SNCAIP: variants seen among roughly 807,000 people sequenced by gnomAD.
SNCAIP encodes synphilin-1.
Under a neutral mutation model 86.7 loss-of-function variants are expected in SNCAIP, and 43 were observed. The observed-to-expected ratio is 0.50, with a 90% CI of 0.39 to 0.64. The LOEUF (loss-of-function observed/expected upper bound fraction) is 0.64. SNCAIP is among the 30% of genes least tolerant of loss of function. The pLI, the probability that SNCAIP is intolerant of heterozygous loss-of-function variation, is 0.00. For synonymous variants in SNCAIP, 417 were observed against 427.2 expected (o/e 0.98, Z 0.29); for missense variants, 981 against 1,103.1 (o/e 0.89, Z 1.57).
intron 1 of SNCAIP, among the ~76,000 whole-genome samples, chr5:122,350,268 C>T (rs1759485816): frequency 6.6e-6 from 1 of 152,104 alleles, no homozygotes. Flanking sequence ...AGGAAAGAAG[C>T]ATCAGAGGTG....
chr5:122,411,032 C>T (rs530102414), intron 3 of SNCAIP, among the ~76,000 whole-genome samples: 8 of 152,092 alleles, frequency 5.3e-5, no homozygotes, highest in African/African-American at 1.7e-4. Flanking sequence ...AGAAAACTTA[C>T]GGGTAAAAAC....
rs562308155 is a variant in SNCAIP, at chr5:122,387,246, C to T, written c.-46-3843C>T. On this transcript the variant is annotated intron_variant, in intron 1 of 10. Transcript: ENST00000261368. ...TGATCTCGGCTCACTGCAACCTCCA[C>T]CTCCCGGGTTCAAGTGATTCTCCTG... Among the ~76,000 whole-genome samples, 403 of 151,406 alleles carry T rather than the reference C, an allele frequency of 2.7e-3. 5 individuals are homozygous for T. Among genetic ancestry groups the T allele is most frequent in the African/African-American group, 9.4e-3 (387 of 41,240 alleles).
At chr5:122,327,240 A>G (rs1003614246) in intron 1 of SNCAIP, among the ~76,000 whole-genome samples, 11 of 152,136 alleles carry the variant, frequency 7.2e-5, no homozygotes, top group Admixed American at 5.2e-4. Flanking sequence ...TGTGGTAATA[A>G]AGTTCCTAAT....
intron 5 of SNCAIP, among the ~76,000 whole-genome samples, chr5:122,428,734 C>T (rs1397169759): frequency 1.3e-5 from 2 of 151,966 alleles, no homozygotes; most frequent in Admixed American, 1.3e-4. Context: ...CTAATGCTAT[C>T]CCTTCCCCAT....
At chr5:122,418,846 A>G (rs1561717404) in intron 3 of SNCAIP, among the ~76,000 whole-genome samples, 5 of 152,222 alleles carry the variant, frequency 3.3e-5, no homozygotes, top group South Asian at 4.1e-4. Context: ...ATTTTGGGTG[A>G]CAAAGTCAGA....
chr5:122,349,809 G>A (rs1759401934), intron 1 of SNCAIP, among the ~76,000 whole-genome samples: 1 of 152,134 alleles, frequency 6.6e-6, no homozygotes, highest in Admixed American at 6.6e-5. Context: ...CCTATGCTGT[G>A]GTGCTTCATC....
chr5:122,378,322 G>A (rs977550242), intron 1 of SNCAIP, among the ~76,000 whole-genome samples: 3 of 137,106 alleles, frequency 2.2e-5, no homozygotes, highest in Non-Finnish European at 3.2e-5. Context: ...GTGTTTTTTG[G>A]CTGCATAAAT....
intron 1 of SNCAIP, among the ~76,000 whole-genome samples, chr5:122,380,771 T>C (rs1766571691): frequency 6.6e-6 from 1 of 152,028 alleles, no homozygotes; most frequent in Admixed American, 6.6e-5. Context: ...AAAGAACATC[T>C]TTATTTCTGC....
chr5:122,325,525 G>A (rs534442671), intron 1 of SNCAIP, among the ~76,000 whole-genome samples: 1 of 152,166 alleles, frequency 6.6e-6, no homozygotes, highest in Non-Finnish European at 1.5e-5. Context: ...ATTGCTTGCA[G>A]TTTCTCTAAA....
In SNCAIP at chr5:122,444,648, C is replaced by G. The variant is rs765493246; in HGVS notation, c.1508C>G (p.Thr503Ser). The G allele has an allele frequency of 6.2e-7, 1 of 1,613,748 alleles. No individual in the cohort carries two copies. The highest frequency in any genetic ancestry group is 8.5e-7 in the Non-Finnish European group (1 of 1,179,748). ...CAGAGCGCCGAGCGGCAGGGGCACA[C>G]CCTGTGCTCCAGGTACCTGGTGGTG... is the stretch of plus-strand genomic sequence containing the variant. ...PSQSAERQGH[T>S]LCSRYLVVVE... is the part of the protein sequence containing the mutation. The change falls in exon 8 of 11, where the codon ACC becomes AGC. Residue 503 changes from threonine to serine, a missense_variant. By Grantham distance (58) the Thr-to-Ser change is moderately conservative. Transcript: ENST00000261368.
intron 1 of SNCAIP, chr5:122,383,560 C>G (rs1580870197): frequency 1.3e-5 from 2 of 154,824 alleles, no homozygotes; most frequent in Admixed American, 6.5e-5. Flanking sequence ...CATCTTGGCT[C>G]CTCGAGAGAT....
intron 3 of SNCAIP, among the ~76,000 whole-genome samples, chr5:122,421,974 A>G (rs1278804704): frequency 6.7e-6 from 1 of 149,308 alleles, no homozygotes; most frequent in East Asian, 2.0e-4. Flanking sequence ...ATGCAAACCA[A>G]CACACAATCT....
chr5:122,348,085 C>A (rs1368640535), intron 1 of SNCAIP, among the ~76,000 whole-genome samples: 1 of 151,994 alleles, frequency 6.6e-6, no homozygotes, highest in African/African-American at 2.4e-5. Flanking sequence ...TTCAATTTTC[C>A]TCAAAGCATT....
intron 8 of SNCAIP, among the ~76,000 whole-genome samples, chr5:122,446,294 C>T (rs1419347356): frequency 6.6e-6 from 1 of 152,132 alleles, no homozygotes; most frequent in Admixed American, 6.5e-5. Flanking sequence ...TACTAATGTC[C>T]ACTCCCTCAA....
At chr5:122,401,403 A>G (rs959562274) in intron 2 of SNCAIP, among the ~76,000 whole-genome samples, 52 of 152,188 alleles carry the variant, frequency 3.4e-4, no homozygotes, top group African/African-American at 1.2e-3. Flanking sequence ...TCCAAGGAGC[A>G]ATGTTTATAC....
chr5:122,400,898 A>C (rs970957101), intron 2 of SNCAIP: 1 of 1,312,362 alleles, frequency 7.6e-7, no homozygotes. Flanking sequence ...CCTCTGGAAG[A>C]CTTCTAGAAA....
chr5:122,460,943 G>T (rs1786050080), intron 10 of SNCAIP, among the ~76,000 whole-genome samples: 1 of 152,024 alleles, frequency 6.6e-6, no homozygotes, highest in Admixed American at 6.6e-5. Flanking sequence ...CATCATCCTG[G>T]GAATTCCTTG....
chr5:122,372,035 C>T, intron 1 of SNCAIP, among the ~76,000 whole-genome samples: 1 of 152,074 alleles, frequency 6.6e-6, no homozygotes, highest in East Asian at 1.9e-4. Context: ...CTGTCAGCCC[C>T]CAGTTGCCAC....
intron 2 of SNCAIP, among the ~76,000 whole-genome samples, chr5:122,396,872 A>G (rs1770731752): frequency 6.6e-6 from 1 of 152,172 alleles, no homozygotes; most frequent in African/African-American, 2.4e-5. Context: ...CTACTATAAC[A>G]TACTTTTTTC....
Sources: allele counts gnomAD v4.1 joint callset (sites outside exome capture counted in the v4.1 genomes callset), GRCh38; gene constraint gnomAD v4.1.1; transcripts MANE v1.5; gene names NCBI Gene and HGNC (gene_info 2026-07-23, HGNC 2026-07-21).